BLTP1: variants seen among roughly 807,000 people sequenced by gnomAD.
BLTP1 encodes fragile site-associated protein.
the BLTP1 span, chr4:122,315,803 G>A: frequency 2.2e-6 from 2 of 900,346 alleles, no homozygotes; most frequent in Non-Finnish European, 3.5e-6. Flanking sequence ...GGAAGAGAAG[G>A]GAATGGTGGT....
chr4:122,293,101 A>T, the BLTP1 span: 2 of 947,918 alleles, frequency 2.1e-6, no homozygotes, highest in African/African-American at 3.5e-5. Flanking sequence ...GCAAGTTAAT[A>T]GCTTAATCAA....
the BLTP1 span, among the ~76,000 whole-genome samples, chr4:122,165,143 C>T: frequency 1.3e-5 from 2 of 151,822 alleles, no homozygotes; most frequent in African/African-American, 4.8e-5. Context: ...CATACGTGTA[C>T]ATGTGCCATG....
the BLTP1 span, chr4:122,226,317 A>T: frequency 1.3e-6 from 1 of 776,514 alleles, no homozygotes; most frequent in Admixed American, 6.2e-5. Context: ...TGATATTTAG[A>T]TACTTTTTCA....
At chr4:122,181,245 T>C in the BLTP1 span, 1 of 968,368 alleles carries the variant, frequency 1.0e-6, no homozygotes, top group Non-Finnish European at 1.2e-6. Flanking sequence ...GCGTTCTTTT[T>C]TTTTAAAAGA....
At chr4:122,243,547 C>G in the BLTP1 span, 1 of 534,302 alleles carries the variant, frequency 1.9e-6, no homozygotes, top group South Asian at 8.2e-5. Context: ...TCGAGACCAG[C>G]CTGGCCAACA....
the BLTP1 span, chr4:122,360,053 A>C: frequency 1.0e-6 from 1 of 985,206 alleles, no homozygotes; most frequent in Non-Finnish European, 1.2e-6. Flanking sequence ...TGAGGTAGCT[A>C]CTGTAAACTG....
chr4:122,200,297 G>T, the BLTP1 span: 2 of 984,350 alleles, frequency 2.0e-6, no homozygotes, highest in African/African-American at 1.8e-5. Flanking sequence ...GCCAAACTGC[G>T]CAGGATGTGG....
At chr4:122,317,968 A>G in the BLTP1 span, 4 of 179,324 alleles carry the variant, frequency 2.2e-5, no homozygotes, top group Non-Finnish European at 4.3e-5. Context: ...CATTAGAGAG[A>G]GATGTTTTTT....
the BLTP1 span, chr4:122,350,059 A>G: frequency 6.2e-7 from 1 of 1,613,738 alleles, no homozygotes; most frequent in Admixed American, 1.7e-5. Context: ...CCTAGAAAAA[A>G]GTTCACAAGA....
At chr4:122,340,493 T>C in the BLTP1 span, among the ~76,000 whole-genome samples, 7,666 of 152,222 alleles carry the variant, frequency 0.05, 270 homozygotes, top group Non-Finnish European at 0.075. Flanking sequence ...GGAAAAATTA[T>C]TACAAACTGG....
chr4:122,359,276 G>T, the BLTP1 span: 1 of 946,210 alleles, frequency 1.1e-6, no homozygotes, highest in Non-Finnish European at 1.3e-6. Flanking sequence ...ACCTACTACA[G>T]CCATTCTTTA....
the BLTP1 span, chr4:122,184,944 C>G: frequency 4.1e-6 from 4 of 984,344 alleles, no homozygotes; most frequent in Non-Finnish European, 4.8e-6. Context: ...ATGCCAAATA[C>G]TAGCCCATTT....
At chr4:122,189,718 T>TC in the BLTP1 span, 1 of 907,448 alleles carries the variant, frequency 1.1e-6, no homozygotes, top group Non-Finnish European at 1.3e-6. Flanking sequence ...CTAAATTTTT[T>TC]CTTTTTAAAA....
chr4:122,229,080 T>G, the BLTP1 span: 1 of 1,508,782 alleles, frequency 6.6e-7, no homozygotes, highest in Non-Finnish European at 8.9e-7. Flanking sequence ...AATAATAAGT[T>G]GATGGTGATG....
the BLTP1 span, chr4:122,331,951 C>T: frequency 5.2e-6 from 1 of 193,350 alleles, no homozygotes; most frequent in Admixed American, 6.6e-5. Flanking sequence ...GTTACACAGA[C>T]CTCAGTAGAC....
the BLTP1 span, among the ~76,000 whole-genome samples, chr4:122,268,046 C>G: frequency 6.6e-6 from 1 of 151,908 alleles, no homozygotes; most frequent in African/African-American, 2.4e-5. Flanking sequence ...TCACAATAGT[C>G]TTATACCATA....
the BLTP1 span, among the ~76,000 whole-genome samples, chr4:122,205,575 T>C: frequency 6.7e-6 from 1 of 150,224 alleles, no homozygotes; most frequent in Non-Finnish European, 1.5e-5. Flanking sequence ...TGTTTCCCTC[T>C]CTCTCTCTCT....
At chr4:122,180,453 G>A in the BLTP1 span, among the ~76,000 whole-genome samples, 4 of 152,186 alleles carry the variant, frequency 2.6e-5, no homozygotes, top group African/African-American at 4.8e-5. Flanking sequence ...CACTCTTGCT[G>A]TGTTCCAGGT....
chr4:122,173,604 A>G, the BLTP1 span, among the ~76,000 whole-genome samples: 2 of 152,172 alleles, frequency 1.3e-5, no homozygotes, highest in Non-Finnish European at 2.9e-5. Flanking sequence ...GCAGATGTAT[A>G]TTATAAATTT....
Sources: gnomAD v4.1 joint callset for allele counts (sites outside exome capture counted in the v4.1 genomes callset) on GRCh38, gnomAD v4.1.1 for gene constraint, MANE v1.5 for transcripts, NCBI Gene and HGNC (gene_info 2026-07-23, HGNC 2026-07-21) for gene names.